The following INHBC variants were observed in gnomAD, a reference collection of about 807,000 sequenced individuals.
INHBC encodes the protein inhibin beta C chain.
Under a neutral mutation model 12.4 loss-of-function variants are expected in INHBC, and 10 were observed. The ratio of observed to expected loss-of-function variants is 0.81; its 90% CI spans 0.50 to 1.37. INHBC has a LOEUF of 1.37. INHBC is among the 40% of genes most tolerant of loss of function. The pLI, the probability that INHBC is intolerant of heterozygous loss-of-function variation, is 0.00. For missense variants in INHBC, 382 were observed against 439.4 expected (o/e 0.87, Z 1.17); for synonymous variants, 147 against 171.6 (o/e 0.86, Z 1.12).
chr12:57,441,685 CT>C (rs71084755), intron 1 of INHBC, among the ~76,000 whole-genome samples: 135,414 of 141,838 alleles, frequency 0.95, 64,788 homozygotes, highest in South Asian at 0.99. Flanking sequence ...TCTCATGATT[CT>C]TTTTTTTTTT....
intron 1 of INHBC, among the ~76,000 whole-genome samples, chr12:57,443,491 T>C (rs528198699): frequency 2.6e-5 from 4 of 151,986 alleles, no homozygotes; most frequent in Non-Finnish European, 5.9e-5. Context: ...TCCATGTTGG[T>C]CAGGCTTGTC....
Position 57,435,022 on chromosome 12 carries a change from C to T in INHBC, c.136C>T (p.Leu46=). The T allele has an allele frequency of 6.2e-7, 1 of 1,614,212 alleles. No homozygotes were observed. Residue 46 remains leucine (L), a synonymous_variant, in exon 1 of 2, where the codon CTG becomes TTG. Transcript: ENST00000309668. ...GAGCCAGCGGGAGCTGCTTCTTGAT[C>T]TGGCCAAGAGAAGCATCTTGGACAA... ...LESQRELLLD[L]AKRSILDKLH...
chr12:57,439,171 C>T (rs2139830774), intron 1 of INHBC, among the ~76,000 whole-genome samples: 1 of 152,306 alleles, frequency 6.6e-6, no homozygotes, highest in South Asian at 2.1e-4. Context: ...AATACAAGTT[C>T]TCTACCTCCC....
At chr12:57,439,075 A>G (rs969648547) in intron 1 of INHBC, among the ~76,000 whole-genome samples, 1 of 152,202 alleles carries the variant, frequency 6.6e-6, no homozygotes, top group Non-Finnish European at 1.5e-5. Flanking sequence ...AGAAATTGAC[A>G]AAGACTACAA....
At chr12:57,442,373 C>A (rs945881192) in intron 1 of INHBC, among the ~76,000 whole-genome samples, 2 of 152,184 alleles carry the variant, frequency 1.3e-5, no homozygotes, top group Non-Finnish European at 2.9e-5. Context: ...ACTACAGCCC[C>A]TGTTGGTCTT....
chr12:57,449,227 A>C, intron 1 of INHBC, 50 bp from the exon 2 acceptor site: 1 of 1,560,928 alleles, frequency 6.4e-7, no homozygotes, highest in African/African-American at 1.4e-5. Context: ...AATAGTTGGT[A>C]GAACTGACAG....
intron 1 of INHBC, among the ~76,000 whole-genome samples, chr12:57,436,801 G>A (rs974314250): frequency 2.6e-5 from 4 of 151,834 alleles, no homozygotes; most frequent in Non-Finnish European, 5.9e-5. Context: ...CGAGTAGCTG[G>A]GGCTACAGGC....
chr12:57,446,016 C>A (rs1168898171), intron 1 of INHBC, among the ~76,000 whole-genome samples: 1 of 151,914 alleles, frequency 6.6e-6, no homozygotes, highest in Non-Finnish European at 1.5e-5. Context: ...CTCACTGCAA[C>A]CTCTGTCTCC....
chr12:57,442,401 C>T (rs1183456065), intron 1 of INHBC, among the ~76,000 whole-genome samples: 2 of 152,186 alleles, frequency 1.3e-5, no homozygotes, highest in African/African-American at 4.8e-5. Flanking sequence ...CCTGCCATAA[C>T]TGGAGTGACT....
At chr12:57,442,168 C>T (rs1159821234) in intron 1 of INHBC, among the ~76,000 whole-genome samples, 2 of 152,232 alleles carry the variant, frequency 1.3e-5, no homozygotes, top group Non-Finnish European at 2.9e-5. Flanking sequence ...AGCTCAACTT[C>T]CTTTAAAGCA....
chr12:57,449,170 G>T, intron 1 of INHBC, 107 bp from the exon 2 acceptor site: 1 of 1,378,380 alleles, frequency 7.3e-7, no homozygotes, highest in Non-Finnish European at 9.9e-7. Context: ...TTAAACTGTA[G>T]CAAATGCCAA....
intron 1 of INHBC, among the ~76,000 whole-genome samples, chr12:57,444,231 T>A (rs1431850213): frequency 6.6e-6 from 1 of 152,042 alleles, no homozygotes; most frequent in Non-Finnish European, 1.5e-5. Flanking sequence ...GAGAAATACG[T>A]AGTAAACAAA....
rs1264634930 is a variant in INHBC, at chr12:57,451,332, T to A, written c.*1310T>A. On this transcript the variant is annotated 3_prime_UTR_variant, in exon 2 of 2. Transcript: ENST00000309668. ...ATGCTCAGAGCTGGCTGCCAGGACC[T>A]CTGACTTGCCTTCCTTTCACCCACC... is the stretch of plus-strand genomic sequence containing the variant. Among the ~76,000 whole-genome samples, 1 of 152,150 alleles carries A rather than the reference T, an allele frequency of 6.6e-6. No homozygotes were observed. Among genetic ancestry groups the A allele is most frequent in the Non-Finnish European group, 1.5e-5 (1 of 68,026 alleles).
chr12:57,436,966 A>G (rs1169668893), intron 1 of INHBC, among the ~76,000 whole-genome samples: 1 of 151,954 alleles, frequency 6.6e-6, no homozygotes. Context: ...CGCGCCCAGC[A>G]TATATTTTTT....
At chr12:57,439,812 G>A (rs1196986253) in intron 1 of INHBC, among the ~76,000 whole-genome samples, 1 of 152,170 alleles carries the variant, frequency 6.6e-6, no homozygotes, top group African/African-American at 2.4e-5. Flanking sequence ...AAAAAAAAAT[G>A]TTAGATCTTA....
intron 1 of INHBC, among the ~76,000 whole-genome samples, chr12:57,443,754 T>C (rs1377428318): frequency 2.6e-5 from 4 of 152,216 alleles, no homozygotes; most frequent in African/African-American, 9.6e-5. Context: ...AAAATAATTA[T>C]AGAAATGAAA....
chr12:57,435,472 G>A (rs1870313968), intron 1 of INHBC, among the ~76,000 whole-genome samples: 1 of 152,140 alleles, frequency 6.6e-6, no homozygotes, highest in Non-Finnish European at 1.5e-5. Context: ...TCCTCTCTCT[G>A]CAGGCCCCAC....
chr12:57,451,871 G>C lies in INHBC; in HGVS notation c.*1849G>C, dbSNP rs1045844909. ...TAACCTCCTTCCCAATTACAGCTTA[G>C]TCTCCAGGGCTAGGACTGGGGTAAA... On this transcript the variant is annotated 3_prime_UTR_variant, in exon 2 of 2. Coordinates refer to ENST00000309668, the MANE Select transcript of INHBC (RefSeq NM_005538.4). 1 of 455,744 alleles carries C rather than the reference G, an allele frequency of 2.2e-6. No homozygotes were observed. The highest frequency in any genetic ancestry group is 1.5e-5 in the South Asian group (1 of 64,520). 28.2% of individuals were successfully genotyped at this position (455,744 alleles called of 1,614,324 possible). A position where few individuals can be genotyped will look rare whatever the true frequency, so the allele number is the denominator to read the frequency against.
chr12:57,449,957 A>G lies in INHBC; in HGVS notation c.994A>G (p.Arg332Gly). Residue 332 changes from arginine to glycine, a missense_variant, in exon 2 of 2, where the codon AGG becomes GGG. Coordinates refer to ENST00000309668, the MANE Select transcript of INHBC (RefSeq NM_005538.4). ...CCCCCTGTCTCTGCTCTATTATGAC[A>G]GGGACAGCAACATTGTCAAGACTGA... ...RRPLSLLYYD[R>G]DSNIVKTDIP... 1 of 1,557,136 alleles carries G rather than the reference A, an allele frequency of 6.4e-7. No homozygotes were observed. The highest frequency in any genetic ancestry group is 8.7e-7 in the Non-Finnish European group (1 of 1,150,200).
Sources: allele counts gnomAD v4.1 joint callset (sites outside exome capture counted in the v4.1 genomes callset), GRCh38; gene constraint gnomAD v4.1.1; transcripts MANE v1.5; gene names NCBI Gene and HGNC (gene_info 2026-07-23, HGNC 2026-07-21).